Variants in FHIT observed in about 807,000 individuals in gnomAD.
The protein encoded by FHIT is bis(5'-adenosyl)-triphosphatase.
Under a neutral mutation model 17.9 loss-of-function variants are expected in FHIT, and 19 were observed. That is an observed-to-expected ratio of 1.06 (90% CI 0.74 to 1.56). The LOEUF (loss-of-function observed/expected upper bound fraction) is 1.56. Ranked by LOEUF, FHIT falls within the 40% of genes most tolerant of loss-of-function variation. The pLI is 0.00. For missense variants in FHIT, 248 were observed against 189.2 expected (o/e 1.31, Z -1.82); for synonymous variants, 81 against 69.7 (o/e 1.16, Z -0.81).
At chr3:59,974,974 C>T (rs2107403281) in intron 7 of FHIT, among the ~76,000 whole-genome samples, 1 of 152,158 alleles carries the variant, frequency 6.6e-6, no homozygotes, top group Non-Finnish European at 1.5e-5. Context: ...TTCTCTAGTC[C>T]CTGTTCTAGC....
At chr3:60,366,591 G>C (rs1276701708) in intron 5 of FHIT, among the ~76,000 whole-genome samples, 1 of 152,064 alleles carries the variant, frequency 6.6e-6, no homozygotes, top group Non-Finnish European at 1.5e-5. Flanking sequence ...ACTTATCATG[G>C]GAGTATGTTA....
At chr3:60,640,430 C>A (rs1056901444) in intron 4 of FHIT, among the ~76,000 whole-genome samples, 1 of 152,066 alleles carries the variant, frequency 6.6e-6, no homozygotes, top group Admixed American at 6.6e-5. Context: ...TCTTGCAGAG[C>A]AGGTGTTCAC....
In FHIT at chr3:60,363,405, T is replaced by G. The variant is rs529206555; in HGVS notation, c.103+173455A>C. ...CTAATCACCTTATCATTCTTTTATT[T>G]CAAGTAATGGCTACAATGTATTGAG... On this transcript the variant is annotated intron_variant, in intron 5 of 9. Transcript: ENST00000492590. 2.6e-5 allele frequency among the ~76,000 whole-genome samples: 4 copies of G among 152,274 alleles called. No homozygotes were observed. In the East Asian group the frequency reaches 7.7e-4, roughly 29 times the overall value.
At chr3:60,125,701 T>C (rs1185640078) in intron 5 of FHIT, among the ~76,000 whole-genome samples, 2 of 151,036 alleles carry the variant, frequency 1.3e-5, no homozygotes, top group Admixed American at 6.6e-5. Flanking sequence ...TATATATATG[T>C]ACACACACAC....
intron 5 of FHIT, among the ~76,000 whole-genome samples, chr3:60,446,553 CAGCCCT>C (rs2031344803): frequency 6.6e-6 from 1 of 152,052 alleles, no homozygotes; most frequent in African/African-American, 2.4e-5. Context: ...ATTTTAACCT[CAGCCCT>C]AGGAGACTAT....
At chr3:60,350,193 G>T (rs1457866839) in intron 5 of FHIT, among the ~76,000 whole-genome samples, 1 of 152,144 alleles carries the variant, frequency 6.6e-6, no homozygotes, top group African/African-American at 2.4e-5. Context: ...GGAACTGAGG[G>T]TCCTGGAGAC....
chr3:60,962,547 T>TA (rs1192551393), intron 3 of FHIT, among the ~76,000 whole-genome samples: 1 of 152,236 alleles, frequency 6.6e-6, no homozygotes, highest in African/African-American at 2.4e-5. Flanking sequence ...GCCAATTCAG[T>TA]ATGATATTGG....
In FHIT at chr3:60,266,396, G is replaced by A. The variant is rs561745876; in HGVS notation, c.104-252244C>T. 7.4e-4 allele frequency among the ~76,000 whole-genome samples: 113 copies of A among 151,956 alleles called. 1 individual carries two copies. The highest frequency in any genetic ancestry group is 1.1e-3 in the Non-Finnish European group (75 of 67,968). ...TCATAATGCCCAGGGCCGCGGAGGG[G>A]GCTTCATGAGAAACAGAAATGACTG... On this transcript the variant is annotated intron_variant, in intron 5 of 9. Transcript: ENST00000492590.
intron 4 of FHIT, among the ~76,000 whole-genome samples, chr3:60,730,960 C>CA (rs56078734): frequency 7.0e-4 from 95 of 135,802 alleles, no homozygotes; most frequent in African/African-American, 2.0e-3. Context: ...AATAAAAATA[C>CA]AAAAAAAAAA....
At chr3:60,802,921 T>C (rs1349608650) in intron 4 of FHIT, among the ~76,000 whole-genome samples, 8 of 152,180 alleles carry the variant, frequency 5.3e-5, no homozygotes, top group Non-Finnish European at 1.0e-4. Context: ...CTGATTAAAA[T>C]TCCTCTTCTG....
intron 3 of FHIT, among the ~76,000 whole-genome samples, chr3:60,997,537 C>T (rs1450038167): frequency 6.6e-6 from 1 of 152,090 alleles, no homozygotes; most frequent in Non-Finnish European, 1.5e-5. Context: ...TTTTCCTAGT[C>T]ATCTCTGGAT....
intron 8 of FHIT, among the ~76,000 whole-genome samples, chr3:59,906,692 C>A (rs916065473): frequency 2.6e-5 from 4 of 152,148 alleles, no homozygotes; most frequent in African/African-American, 9.7e-5. Context: ...TAAAAAATTT[C>A]CAAAGATATT....
chr3:59,976,842 A>C (rs974006602), intron 7 of FHIT, among the ~76,000 whole-genome samples: 2 of 152,120 alleles, frequency 1.3e-5, no homozygotes, highest in African/African-American at 4.8e-5. Flanking sequence ...CAACAAAGAC[A>C]TCCTGACCCT....
chr3:60,542,809 C>T (rs887124116), intron 4 of FHIT, among the ~76,000 whole-genome samples: 6 of 152,198 alleles, frequency 3.9e-5, no homozygotes, highest in South Asian at 2.1e-4. Flanking sequence ...CAAATCTCTC[C>T]GAACAAATCC....
chr3:59,790,769 G>A (rs893008027), intron 8 of FHIT, among the ~76,000 whole-genome samples: 38 of 151,996 alleles, frequency 2.5e-4, no homozygotes, highest in Admixed American at 2.2e-3. Context: ...TAATATCTAT[G>A]AGAGCCAAAT....
intron 4 of FHIT, chr3:60,690,661 A>T: frequency 2.0e-6 from 1 of 505,472 alleles, no homozygotes; most frequent in Non-Finnish European, 4.0e-6. Context: ...CTCGAAGGAG[A>T]CGCAGCCCAA....
At chr3:60,003,005 A>G (rs1699786746) in intron 7 of FHIT, among the ~76,000 whole-genome samples, 1 of 152,232 alleles carries the variant, frequency 6.6e-6, no homozygotes, top group African/African-American at 2.4e-5. Context: ...AGAACTAGCT[A>G]TATGCTAAAG....
At chr3:59,794,536 C>T (rs1699700455) in intron 8 of FHIT, among the ~76,000 whole-genome samples, 1 of 152,174 alleles carries the variant, frequency 6.6e-6, no homozygotes, top group African/African-American at 2.4e-5. Flanking sequence ...AGGCCCTGTG[C>T]AGGCGCTTTA....
chr3:60,392,978 A>C (rs887211155), intron 5 of FHIT, among the ~76,000 whole-genome samples: 1 of 152,142 alleles, frequency 6.6e-6, no homozygotes, highest in African/African-American at 2.4e-5. Context: ...CTTCATCAGA[A>C]AGCACCTCTC....
Sources: allele counts gnomAD v4.1 joint callset (sites outside exome capture counted in the v4.1 genomes callset), GRCh38; gene constraint gnomAD v4.1.1; transcripts MANE v1.5; gene names NCBI Gene and HGNC (gene_info 2026-07-23, HGNC 2026-07-21).